AGAP1: variants seen among roughly 807,000 people sequenced by gnomAD.
The protein encoded by AGAP1 is ArfGAP with GTPase domain, ankyrin repeat and PH domain 1, also known as arf-GAP with GTPase, ANK repeat and PH domain-containing protein 1.
In AGAP1, 29 loss-of-function variants were observed where a neutral mutation model predicts 105.3. That is an observed-to-expected ratio of 0.28 (90% confidence interval 0.21 to 0.38). The LOEUF is 0.38. Ranked by LOEUF, AGAP1 falls within the 10% of genes least tolerant of loss-of-function variation. AGAP1 has a pLI of 1.00. For synonymous variants in AGAP1, 509 were observed against 485.9 expected, an observed-to-expected ratio of 1.05 and a Z score of -0.63; for missense variants, 998 against 1,165.1, an observed-to-expected ratio of 0.86 and a Z score of 2.09.
At position 235,969,674 on chromosome 2, in the gene AGAP1, C is replaced by T. The variant is rs992522682; in HGVS notation, c.1645+1051C>T. ...TCCCGTCCACATATCCAGAGCGGAG[C>T]ACGCAAACCCACGGTGCGTGTGTTA... On this transcript the variant is annotated intron_variant, in intron 13 of 17. Coordinates refer to ENST00000304032, the MANE Select transcript of AGAP1 (RefSeq NM_001037131.3). Among the ~76,000 whole-genome samples, 13 of 152,334 alleles carry T rather than the reference C, an allele frequency of 8.5e-5. No homozygotes were observed. In the East Asian group the frequency reaches 1.4e-3, roughly 16 times the overall value.
intron 1 of AGAP1, among the ~76,000 whole-genome samples, chr2:235,593,890 G>C (rs1332352677): frequency 1.3e-5 from 2 of 152,086 alleles, no homozygotes; most frequent in African/African-American, 4.8e-5. Flanking sequence ...GATCACTTGA[G>C]CCCCGGAGTT....
In AGAP1 at chr2:236,104,617, G is replaced by A. The variant is rs189411763; in HGVS notation, c.2115-15575G>A. ...AAAGACAAGCGTGCACAGGCCAGGC[G>A]CGGTGGCTCATGCCTGTAATGCCAG... On this transcript the variant is annotated intron_variant, in intron 16 of 17. Transcript: ENST00000304032. The surrounding 1 kb of genome is among the most constrained non-coding windows in gnomAD (Gnocchi z 4.7). Among the ~76,000 whole-genome samples, 6 of 152,290 alleles carry A rather than the reference G, an allele frequency of 3.9e-5. No homozygotes were observed. The highest frequency in any genetic ancestry group is 8.8e-5 in the Non-Finnish European group (6 of 68,002).
intron 16 of AGAP1, among the ~76,000 whole-genome samples, chr2:236,066,988 T>C (rs1371900093): frequency 6.6e-6 from 1 of 151,888 alleles, no homozygotes; most frequent in Non-Finnish European, 1.5e-5. Flanking sequence ...TTTCCCCATG[T>C]AAGGGAATAT....
At chr2:235,916,913 A>G (rs557426575) in intron 11 of AGAP1, among the ~76,000 whole-genome samples, 6 of 152,316 alleles carry the variant, frequency 3.9e-5, no homozygotes, top group Admixed American at 2.0e-4. Flanking sequence ...CATGGCAGCA[A>G]GGGGGCAGAC....
intron 13 of AGAP1, among the ~76,000 whole-genome samples, chr2:236,018,980 A>C (rs984640876): frequency 2.6e-5 from 4 of 152,192 alleles, no homozygotes; most frequent in African/African-American, 9.6e-5. Context: ...TTCGCGCCTC[A>C]GGCCTGCAGT....
At chr2:236,008,847 A>G (rs1417568167) in intron 13 of AGAP1, among the ~76,000 whole-genome samples, 2 of 152,250 alleles carry the variant, frequency 1.3e-5, no homozygotes, top group Admixed American at 6.5e-5. Context: ...TTAAAATTCC[A>G]TAATTGGAGA....
intron 9 of AGAP1, among the ~76,000 whole-genome samples, chr2:235,816,486 C>T (rs974481472): frequency 6.6e-6 from 1 of 151,608 alleles, no homozygotes; most frequent in Non-Finnish European, 1.5e-5. Context: ...TGCAGAGACT[C>T]CAGGTCAGAC....
Position 236,027,623 on chromosome 2 carries a change from C to A in AGAP1, c.1646-8938C>A, listed in dbSNP as rs1183925864. Among the ~76,000 whole-genome samples, 1 of 152,134 alleles carries A rather than the reference C, an allele frequency of 6.6e-6. No homozygotes were observed. The highest frequency in any genetic ancestry group is 1.5e-5 in the Non-Finnish European group (1 of 68,036). On this transcript the variant is annotated intron_variant, in intron 13 of 17. Transcript: ENST00000304032. This position sits in a 1 kb window ranked among gnomAD's most constrained non-coding sequence, Gnocchi z 4.4. ...GCACAGCCTGCCTGGGAGAGGCCAG[C>A]CCAGGGTCAGCAGCGCCATTGCCTC... is the stretch of plus-strand genomic sequence containing the variant.
Position 235,600,194 on chromosome 2 carries a change from C to T in AGAP1, c.163+105345C>T, listed in dbSNP as rs1177577946. On this transcript the variant is annotated intron_variant, in intron 1 of 17. Coordinates refer to ENST00000304032, the MANE Select transcript of AGAP1 (RefSeq NM_001037131.3). The surrounding 1 kb of genome is among the most constrained non-coding windows in gnomAD (Gnocchi z 4.8). ...ACACTGGAAATATTCTGTAGCTCAT[C>T]TGGCAGCAGGGCCAGAGCTGATGAT... is the stretch of plus-strand genomic sequence containing the variant. Among the ~76,000 whole-genome samples the T allele has an allele frequency of 1.3e-5, 2 of 152,224 alleles. No individual in the cohort carries two copies. The highest frequency in any genetic ancestry group is 4.8e-5 in the African/African-American group (2 of 41,456).
Position 235,912,589 on chromosome 2 carries a change from T to A in AGAP1, c.1324+3683T>A, listed in dbSNP as rs373943842. Among the ~76,000 whole-genome samples, 126 of 152,346 alleles carry A rather than the reference T, an allele frequency of 8.3e-4. 5 individuals carry two copies. In the South Asian group the frequency reaches 0.025, roughly 31 times the overall value. On this transcript the variant is annotated intron_variant, in intron 11 of 17. Coordinates refer to ENST00000304032, the MANE Select transcript of AGAP1 (RefSeq NM_001037131.3). ...CCCGTAACTTGCATTCACATAGACC[T>A]GATATATGTATGAGCCTAAATCTTT...
chr2:235,968,677 T>A, intron 13 of AGAP1, 54 bp downstream of exon 13: 1 of 1,555,750 alleles, frequency 6.4e-7, no homozygotes, highest in Non-Finnish European at 8.7e-7. Flanking sequence ...AAATTCTCTG[T>A]TATTTTTCAA....
At position 236,055,462 on chromosome 2, in the gene AGAP1, A is replaced by AT. The variant is rs1364390768; in HGVS notation, c.2114+6184dup. ...ATCATGTGAACGCTGTGGTTTTTCT[A>AT]TTTGACAGGCTTAATTAATTGGCAG... On this transcript the variant is annotated intron_variant, in intron 16 of 17. Coordinates refer to ENST00000304032, the MANE Select transcript of AGAP1 (RefSeq NM_001037131.3). The surrounding 1 kb of genome is among the most constrained non-coding windows in gnomAD (Gnocchi z 6.2). 6.6e-6 allele frequency among the ~76,000 whole-genome samples: 1 copy of AT among 152,200 alleles called. No individual in the cohort carries two copies. The highest frequency in any genetic ancestry group is 1.5e-5 in the Non-Finnish European group (1 of 68,044).
intron 16 of AGAP1, among the ~76,000 whole-genome samples, chr2:236,118,033 A>G (rs149917202): frequency 2.0e-5 from 3 of 152,278 alleles, no homozygotes; most frequent in African/African-American, 7.2e-5. Context: ...AAGTGAAGCA[A>G]AACTAATCCA....
At chr2:236,007,128 C>T (rs866592759) in intron 13 of AGAP1, among the ~76,000 whole-genome samples, 6 of 152,304 alleles carry the variant, frequency 3.9e-5, no homozygotes, top group Middle Eastern at 3.4e-3. Context: ...GTTGGGAATT[C>T]TTCTTTTGCT....
At chr2:236,017,721 T>A (rs577148899) in intron 13 of AGAP1, among the ~76,000 whole-genome samples, 15 of 152,324 alleles carry the variant, frequency 9.8e-5, no homozygotes, top group Middle Eastern at 6.8e-3. Context: ...AAGGTTTGAG[T>A]CTAAGGATCT....
intron 9 of AGAP1, among the ~76,000 whole-genome samples, chr2:235,808,888 C>T (rs1360244743): frequency 6.6e-6 from 1 of 152,108 alleles, no homozygotes; most frequent in Non-Finnish European, 1.5e-5. Flanking sequence ...CACATAGTTG[C>T]TTATTCTTTC....
rs1307994221 is a variant in AGAP1, at chr2:235,979,397, T to C, written c.1645+10774T>C. On this transcript the variant is annotated intron_variant, in intron 13 of 17. Transcript: ENST00000304032. This position sits in a 1 kb window ranked among gnomAD's most constrained non-coding sequence, Gnocchi z 4.5. Reference sequence around the variant, plus strand: ...GTGTTAATCAAATGCCTGTCTCGCCTGGCTGCGGGGTCCGATCATAGTTAC... The same window carrying C: ...GTGTTAATCAAATGCCTGTCTCGCCCGGCTGCGGGGTCCGATCATAGTTAC... 6.6e-6 allele frequency among the ~76,000 whole-genome samples: 1 copy of C among 151,940 alleles called. No homozygotes were observed. Among genetic ancestry groups the C allele is most frequent in the Non-Finnish European group, 1.5e-5 (1 of 67,990 alleles).
At position 236,038,576 on chromosome 2, in the gene AGAP1, C is replaced by G. The variant is rs2057451537; in HGVS notation, c.1800+1861C>G. 6.6e-6 allele frequency among the ~76,000 whole-genome samples: 1 copy of G among 152,156 alleles called. No individual in the cohort carries two copies. Among genetic ancestry groups the G allele is most frequent in the African/African-American group, 2.4e-5 (1 of 41,434 alleles). On this transcript the variant is annotated intron_variant, in intron 14 of 17. Coordinates refer to ENST00000304032, the MANE Select transcript of AGAP1 (RefSeq NM_001037131.3). This position sits in a 1 kb window ranked among gnomAD's most constrained non-coding sequence, Gnocchi z 4.5. ...GTTGAGCAACCAAAGGTGGCCGACT[C>G]AGAGCTGGTCATCGTGGGCATTGGT...
chr2:236,049,031 G>T, intron 15 of AGAP1, 28 bp from the exon 16 acceptor site: 1 of 1,595,638 alleles, frequency 6.3e-7, no homozygotes, highest in Non-Finnish European at 8.6e-7. Context: ...GTCTGATTGC[G>T]TTTAGCGTTC....
Sources: gnomAD v4.1 joint callset for allele counts (sites outside exome capture counted in the v4.1 genomes callset) on GRCh38, gnomAD v4.1.1 for gene constraint, Gnocchi (gnomAD v3.1) non-coding constraint, MANE v1.5 for transcripts, NCBI Gene and HGNC (gene_info 2026-07-23, HGNC 2026-07-21) for gene names.